The following RCSD1 variants were observed in gnomAD, a reference collection of about 807,000 sequenced individuals.
RCSD1 encodes the protein RCSD domain containing 1, also known as capZ-interacting protein.
A neutral mutation model predicts 42.5 loss-of-function variants in RCSD1; 26 were observed. The observed-to-expected ratio is 0.61, with a 90% CI of 0.45 to 0.85. RCSD1 has a LOEUF of 0.85. Among genes scored for constraint, RCSD1 ranks in the 40% least tolerant of loss-of-function variants. The pLI, the probability that RCSD1 is intolerant of heterozygous loss-of-function variation, is 0.00. For synonymous variants in RCSD1, 220 were observed against 212.2 expected (o/e 1.04, Z -0.32); for missense variants, 571 against 528.3 (o/e 1.08, Z -0.79).
Position 167,705,673 on chromosome 1 carries a change from TC to T in RCSD1, c.*980del, listed in dbSNP as rs1425715514. 6.6e-6 allele frequency: 1 copy of T among 152,222 alleles called. No individual in the cohort carries two copies. 9.4% of individuals were successfully genotyped at this position (152,222 alleles called of 1,614,324 possible). ...CATAATTAAAACATTTTTCTTAGTT[TC>T]CCTGGGAAGCTTTTCTTGACTCACA... On this transcript the variant is annotated 3_prime_UTR_variant, in exon 7 of 7. Transcript: ENST00000367854.
intron 4 of RCSD1, among the ~76,000 whole-genome samples, chr1:167,691,703 G>A (rs923568549): frequency 6.6e-6 from 1 of 152,256 alleles, no homozygotes; most frequent in African/African-American, 2.4e-5. Context: ...CCTGACTGGG[G>A]GTTAAGGCAA....
intron 1 of RCSD1, among the ~76,000 whole-genome samples, chr1:167,665,376 T>C (rs1187708651): frequency 3.3e-5 from 5 of 152,228 alleles, no homozygotes; most frequent in African/African-American, 1.2e-4. Flanking sequence ...TTGATGGACA[T>C]TTGAGTTATT....
At chr1:167,639,648 G>A (rs960744355) in intron 1 of RCSD1, among the ~76,000 whole-genome samples, 1 of 152,142 alleles carries the variant, frequency 6.6e-6, no homozygotes, top group African/African-American at 2.4e-5. Context: ...GCCTGCCACT[G>A]TGCTCAGCTA....
chr1:167,686,909 T>A (rs1659249394), intron 3 of RCSD1, among the ~76,000 whole-genome samples: 1 of 152,144 alleles, frequency 6.6e-6, no homozygotes, highest in African/African-American at 2.4e-5. Context: ...ACCGAATCAT[T>A]TTTCTTATTT....
At chr1:167,691,922 C>T (rs1659387708) in intron 4 of RCSD1, among the ~76,000 whole-genome samples, 1 of 152,192 alleles carries the variant, frequency 6.6e-6, no homozygotes, top group African/African-American at 2.4e-5. Context: ...CAGCACCCCT[C>T]CTAGCATCCA....
intron 1 of RCSD1, among the ~76,000 whole-genome samples, chr1:167,637,042 A>C (rs1417115907): frequency 9.9e-5 from 15 of 152,200 alleles, no homozygotes; most frequent in Admixed American, 9.8e-4. Context: ...ATTGCAGAGC[A>C]GGGATGAGAG....
chr1:167,670,819 C>T (rs1658789507), intron 1 of RCSD1, among the ~76,000 whole-genome samples: 1 of 152,256 alleles, frequency 6.6e-6, no homozygotes, highest in Admixed American at 6.5e-5. Context: ...CTGCCCCACC[C>T]ATCAGTCCCC....
chr1:167,693,328 T>G (rs1253852307), intron 4 of RCSD1, among the ~76,000 whole-genome samples: 2 of 152,220 alleles, frequency 1.3e-5, no homozygotes, highest in Non-Finnish European at 2.9e-5. Flanking sequence ...CCTTCGGGCA[T>G]CTGGGACCAC....
chr1:167,649,774 C>T (rs774402230), intron 1 of RCSD1, among the ~76,000 whole-genome samples: 4 of 152,114 alleles, frequency 2.6e-5, no homozygotes, highest in South Asian at 2.1e-4. Context: ...GCCTAGCTGA[C>T]GACTAAGGGA....
At chr1:167,643,192 G>C (rs899855584) in intron 1 of RCSD1, among the ~76,000 whole-genome samples, 3 of 152,202 alleles carry the variant, frequency 2.0e-5, no homozygotes, top group Non-Finnish European at 4.4e-5. Context: ...AATGCATGGT[G>C]GTGGTGTTAT....
rs943234755 is a variant in RCSD1 at position 167,670,730 on chromosome 1, G to A, written c.7-13170G>A. 5.9e-5 allele frequency among the ~76,000 whole-genome samples: 9 copies of A among 151,970 alleles called. No homozygotes were observed. The East Asian group carries it at 1.2e-3, about 20-fold the overall frequency. ...CTCCTCCAGTCCTGCTCCTCCCCTCGGCTCCCCCTCTCTGTAAATGACACT... is the reference window on the plus strand; with the variant it reads ...CTCCTCCAGTCCTGCTCCTCCCCTCAGCTCCCCCTCTCTGTAAATGACACT... On this transcript the variant is annotated intron_variant, in intron 1 of 6. Coordinates refer to ENST00000367854, the MANE Select transcript of RCSD1 (RefSeq NM_052862.4).
At chr1:167,692,410 C>T (rs2101716585) in intron 4 of RCSD1, among the ~76,000 whole-genome samples, 1 of 152,322 alleles carries the variant, frequency 6.6e-6, no homozygotes, top group South Asian at 2.1e-4. Flanking sequence ...CTTTAAGGTC[C>T]AGTGAACCCC....
At chr1:167,635,474 T>A (rs1024250741) in intron 1 of RCSD1, among the ~76,000 whole-genome samples, 7 of 152,146 alleles carry the variant, frequency 4.6e-5, no homozygotes, top group Non-Finnish European at 1.0e-4. Context: ...GAATGTGCAT[T>A]CCTGGAAAGG....
At chr1:167,666,300 A>T (rs751313434) in intron 1 of RCSD1, among the ~76,000 whole-genome samples, 8 of 152,172 alleles carry the variant, frequency 5.3e-5, no homozygotes, top group Non-Finnish European at 1.0e-4. Context: ...CTCATCAGTA[A>T]AAAGGAGATA....
At chr1:167,696,753 G>C (rs1659506493) in intron 5 of RCSD1, among the ~76,000 whole-genome samples, 1 of 152,068 alleles carries the variant, frequency 6.6e-6, no homozygotes, top group East Asian at 1.9e-4. Context: ...TGCCCGGCAA[G>C]AATTTTTTTT....
Position 167,656,866 on chromosome 1 carries a change from C to T in RCSD1, c.6+26437C>T, listed in dbSNP as rs552440880. ...AAAGGGGGTCATTGCTCCCAAGAGT[C>T]AAGCTGCAGTCTCAAAATAGGAGCT... On this transcript the variant is annotated intron_variant, in intron 1 of 6. Transcript: ENST00000367854. Among the ~76,000 whole-genome samples, 6 of 152,300 alleles carry T rather than the reference C, an allele frequency of 3.9e-5. No homozygotes were observed. The East Asian group carries it at 5.8e-4, about 15-fold the overall frequency.
chr1:167,656,358 GAA>G (rs1412140933), intron 1 of RCSD1, among the ~76,000 whole-genome samples: 1 of 152,122 alleles, frequency 6.6e-6, no homozygotes, highest in East Asian at 1.9e-4. Flanking sequence ...TAATTAAAAA[GAA>G]ATTAATATAT....
In RCSD1 at chr1:167,705,914, C is replaced by G. The variant is rs990080910; in HGVS notation, c.*1218C>G. ...CCAAATACACATTTAAACTTAGGGT[C>G]GGTCCTTATTCTGATTTGAGTATTT... On this transcript the variant is annotated 3_prime_UTR_variant, in exon 7 of 7. Transcript: ENST00000367854. 1 of 152,176 alleles carries G rather than the reference C, an allele frequency of 6.6e-6. No homozygotes were observed. Among genetic ancestry groups the G allele is most frequent in the Non-Finnish European group, 1.5e-5 (1 of 68,040 alleles). The allele number at this position is 152,176 out of a possible 1,614,324, so 9.4% of individuals were successfully genotyped here.
At chr1:167,676,357 A>T (rs2102226158) in intron 1 of RCSD1, among the ~76,000 whole-genome samples, 1 of 152,302 alleles carries the variant, frequency 6.6e-6, no homozygotes, top group East Asian at 1.9e-4. Flanking sequence ...CTGCCAGAAA[A>T]CAAGATGAGT....
Sources: allele counts gnomAD v4.1 joint callset (sites outside exome capture counted in the v4.1 genomes callset), GRCh38; gene constraint gnomAD v4.1.1; transcripts MANE v1.5; gene names NCBI Gene and HGNC (gene_info 2026-07-23, HGNC 2026-07-21).